The following FARP2 variants were observed in gnomAD, a reference collection of about 807,000 sequenced individuals.
The protein encoded by FARP2 is FERM, ARHGEF and pleckstrin domain-containing protein 2.
A neutral mutation model predicts 130.5 loss-of-function variants in FARP2; 111 were observed. The observed-to-expected ratio is 0.85, with a 90% CI of 0.73 to 1.00. The LOEUF is 1.00. Ranked by LOEUF, FARP2 falls within the 50% of genes least tolerant of loss-of-function variation. The pLI is 0.00. For synonymous variants in FARP2, 504 were observed against 516.9 expected (o/e 0.98, Z 0.34); for missense variants, 1,385 against 1,346.3 (o/e 1.03, Z -0.45).
Position 241,491,689 on chromosome 2 carries a change from C to T in FARP2, c.2787+10C>T. The T allele has an allele frequency of 6.3e-7, 1 of 1,582,792 alleles. No individual in the cohort carries two copies. Among genetic ancestry groups the T allele is most frequent in the South Asian group, 1.2e-5 (1 of 86,726 alleles). On this transcript the variant is annotated intron_variant, in intron 24 of 26. Transcript: ENST00000264042. Reference sequence around the variant, plus strand: ...CAGTGCAGCTGTCGAGGTACGACCGCATGAGCACCACCTCAGTGCATCTGG... The same window carrying T: ...CAGTGCAGCTGTCGAGGTACGACCGTATGAGCACCACCTCAGTGCATCTGG...
Position 241,482,483 on chromosome 2 carries a change from C to G in FARP2, c.2263-982C>G, listed in dbSNP as rs1015846605. The stretch of plus-strand genomic sequence containing the variant: ...GGTCTCCAGGGCTCCCTGTCACGCC[C>G]CTGTGGCCTCTCAGAGTAGGGCTAG... On this transcript the variant is annotated intron_variant, in intron 19 of 26. Transcript: ENST00000264042. This position sits in a 1 kb window ranked among gnomAD's most constrained non-coding sequence, Gnocchi z 4.6. Among the ~76,000 whole-genome samples, 5 of 152,202 alleles carry G rather than the reference C, an allele frequency of 3.3e-5. No homozygotes were observed. The highest frequency in any genetic ancestry group is 9.7e-5 in the African/African-American group (4 of 41,444).
chr2:241,449,490 A>G (rs909549990), intron 13 of FARP2, among the ~76,000 whole-genome samples: 1 of 151,320 alleles, frequency 6.6e-6, no homozygotes, highest in Non-Finnish European at 1.5e-5. Flanking sequence ...AAAGAGGAGA[A>G]TTTAAAAGTA....
chr2:241,483,664 TG>T, intron 20 of FARP2, 131 bp downstream of exon 20: 1 of 1,245,002 alleles, frequency 8.0e-7, no homozygotes. Context: ...TTGGTCCAGG[TG>T]GGTAGCGTTG....
chr2:241,373,673 C>T (rs552992038), intron 2 of FARP2, among the ~76,000 whole-genome samples: 1 of 152,298 alleles, frequency 6.6e-6, no homozygotes, highest in Admixed American at 6.5e-5. Context: ...TGTGTGTCAG[C>T]TTCCTTTTCT....
chr2:241,421,800 A>G (rs1204302707), intron 8 of FARP2, among the ~76,000 whole-genome samples: 1 of 152,170 alleles, frequency 6.6e-6, no homozygotes, highest in Non-Finnish European at 1.5e-5. Context: ...AGGTACAGAA[A>G]AACCTAGGCA....
At chr2:241,446,881 G>T (rs1273219402) in intron 13 of FARP2, 1 of 152,176 alleles carries the variant, frequency 6.6e-6, no homozygotes, top group Non-Finnish European at 1.5e-5. Context: ...GGTGGTCCAT[G>T]CCTGACGTGT....
At chr2:241,437,930 G>T (rs1443934673) in intron 12 of FARP2, among the ~76,000 whole-genome samples, 1 of 152,106 alleles carries the variant, frequency 6.6e-6, no homozygotes, top group African/African-American at 2.4e-5. Flanking sequence ...CTCCCAAAGT[G>T]CTGGGAATAC....
intron 2 of FARP2, among the ~76,000 whole-genome samples, chr2:241,397,155 A>G (rs1358489958): frequency 6.6e-6 from 1 of 152,112 alleles, no homozygotes; most frequent in African/African-American, 2.4e-5. Context: ...GGACACAGGA[A>G]GGGGAACATC....
In FARP2 at chr2:241,493,521, G is replaced by A. The variant is rs961964317; in HGVS notation, c.3047+77G>A. 22 of 1,421,596 alleles carry A rather than the reference G, an allele frequency of 1.5e-5. No individual in the cohort carries two copies. The African/African-American group carries it at 2.8e-4, about 18-fold the overall frequency. 88.1% of individuals were successfully genotyped at this position (1,421,596 alleles called of 1,614,324 possible). ...AGCTCCCATTTCTACTCATGGTGGT[G>A]GAGGCAAGTTTTCTGGGCCCTGGAA... On this transcript the variant is annotated intron_variant, in intron 26 of 26. Coordinates refer to ENST00000264042, the MANE Select transcript of FARP2 (RefSeq NM_014808.4).
Position 241,357,817 on chromosome 2 carries a change from T to C in FARP2, c.-25+1429T>C, listed in dbSNP as rs1393350683. ...CGTTAGTAAATTTCCAGGTTCCTTG[T>C]ATACTAATTCCTTTCCCAAAGAGGA... On this transcript the variant is annotated intron_variant, in intron 1 of 26. Coordinates refer to ENST00000264042, the MANE Select transcript of FARP2 (RefSeq NM_014808.4). Among the ~76,000 whole-genome samples the C allele has an allele frequency of 5.3e-5, 8 of 152,250 alleles. 1 individual carries two copies. Among genetic ancestry groups the C allele is most frequent in the Admixed American group, 1.3e-4 (2 of 15,280 alleles).
At chr2:241,436,707 C>T (rs182658494) in intron 12 of FARP2, among the ~76,000 whole-genome samples, 169 bp downstream of exon 12, 1 of 152,306 alleles carries the variant, frequency 6.6e-6, no homozygotes, top group Non-Finnish European at 1.5e-5. Context: ...AGAAAGCCAG[C>T]AGGGCAGTGG....
chr2:241,483,365 G>A (rs2064672082), intron 19 of FARP2, 100 bp from the exon 20 acceptor site: 1 of 981,572 alleles, frequency 1.0e-6, no homozygotes, highest in Non-Finnish European at 1.6e-6. Flanking sequence ...AGCCAGAGGA[G>A]CACAAGCGGC....
At chr2:241,477,676 C>T (rs565447915) in intron 19 of FARP2, among the ~76,000 whole-genome samples, 22 of 152,316 alleles carry the variant, frequency 1.4e-4, no homozygotes, top group African/African-American at 5.3e-4. Flanking sequence ...AGTGACTGAA[C>T]CATTTTTCAT....
At chr2:241,394,929 G>A (rs890411018) in intron 2 of FARP2, among the ~76,000 whole-genome samples, 1 of 152,204 alleles carries the variant, frequency 6.6e-6, no homozygotes, top group Non-Finnish European at 1.5e-5. Flanking sequence ...CGCTGTGTGT[G>A]ATGTTTTCTG....
intron 1 of FARP2, among the ~76,000 whole-genome samples, chr2:241,371,059 T>C (rs566267328): frequency 9.6e-4 from 147 of 152,348 alleles, no homozygotes; most frequent in Non-Finnish European, 1.6e-3. Flanking sequence ...AGCTCTTCAT[T>C]TTTTGCTTTC....
chr2:241,413,283 T>C, intron 6 of FARP2, 24 bp from the exon 7 acceptor site: 1 of 1,413,984 alleles, frequency 7.1e-7, no homozygotes. Context: ...TAAAAATTAG[T>C]TACTTACTTT....
chr2:241,474,836 T>TAAATAAAA lies in FARP2; in HGVS notation c.2132-1018_2132-1017insTAAAAAAA, dbSNP rs1553734017. Reference sequence around the variant, plus strand: ...ATAAATAAATAAATAAATAAATAAATAAAAAGAAAGAAGGGGGAAAGTGGT... The same window carrying TAAATAAAA: ...ATAAATAAATAAATAAATAAATAAATAAATAAAAAAAAAGAAAGAAGGGGGAAAGTGGT... On this transcript the variant is annotated intron_variant, in intron 18 of 26. Transcript: ENST00000264042. Among the ~76,000 whole-genome samples the TAAATAAAA allele has an allele frequency of 1.8e-3, 262 of 146,122 alleles. 1 individual carries two copies. The highest frequency in any genetic ancestry group is 3.0e-3 in the Non-Finnish European group (199 of 65,900).
chr2:241,467,028 G>A (rs1371026084), intron 17 of FARP2, among the ~76,000 whole-genome samples: 1 of 152,054 alleles, frequency 6.6e-6, no homozygotes, highest in African/African-American at 2.4e-5. Context: ...GCTGAGGCAG[G>A]TGGATCGCTT....
intron 8 of FARP2, among the ~76,000 whole-genome samples, chr2:241,428,952 A>G (rs1029426374): frequency 5.3e-5 from 8 of 152,126 alleles, no homozygotes; most frequent in African/African-American, 1.7e-4. Flanking sequence ...AGGTTCACTC[A>G]TGTGGTAGCA....
Sources: allele counts gnomAD v4.1 joint callset (sites outside exome capture counted in the v4.1 genomes callset), GRCh38; gene constraint gnomAD v4.1.1; non-coding constraint Gnocchi (gnomAD v3.1); transcripts MANE v1.5; gene names NCBI Gene and HGNC (gene_info 2026-07-23, HGNC 2026-07-21).